The following DRC9 variants were observed in gnomAD, a reference collection of about 807,000 sequenced individuals.
The protein encoded by DRC9 is dynein regulatory complex subunit 9.
At chr3:197,903,831 C>T in the DRC9 span, among the ~76,000 whole-genome samples, 458 of 151,594 alleles carry the variant, frequency 3.0e-3, 4 homozygotes, top group African/African-American at 0.01. Context: ...CCAAAAGGGC[C>T]GAGTGTAGTC....
At chr3:197,923,499 G>A in the DRC9 span, among the ~76,000 whole-genome samples, 1 of 152,144 alleles carries the variant, frequency 6.6e-6, no homozygotes, top group East Asian at 1.9e-4. Flanking sequence ...GGGGGCCAAG[G>A]CAGACAGATC....
At chr3:197,951,637 G>A in the DRC9 span, 2 of 350,150 alleles carry the variant, frequency 5.7e-6, no homozygotes, top group Non-Finnish European at 1.1e-5. Flanking sequence ...ACAGGCTTGA[G>A]CCACCGCGCC....
At chr3:197,902,958 A>G in the DRC9 span, among the ~76,000 whole-genome samples, 1 of 152,224 alleles carries the variant, frequency 6.6e-6, no homozygotes. Context: ...CCAAAACAGC[A>G]TGGTACTGGA....
the DRC9 span, among the ~76,000 whole-genome samples, chr3:197,921,660 A>G: frequency 1.1e-4 from 17 of 151,612 alleles, no homozygotes; most frequent in South Asian, 3.6e-3. Context: ...TGGGGATTTC[A>G]CCTGGTTTCA....
At chr3:197,946,419 A>G in the DRC9 span, among the ~76,000 whole-genome samples, 93 of 137,774 alleles carry the variant, frequency 6.8e-4, 1 homozygote, top group East Asian at 0.017. Context: ...TGGGCGACAG[A>G]GCGAGACTCC....
chr3:197,920,924 A>G, the DRC9 span, among the ~76,000 whole-genome samples: 1 of 152,154 alleles, frequency 6.6e-6, no homozygotes, highest in African/African-American at 2.4e-5. Context: ...ATATACAAAA[A>G]CCTGCCATTC....
chr3:197,948,510 A>G, the DRC9 span, among the ~76,000 whole-genome samples: 3 of 152,262 alleles, frequency 2.0e-5, no homozygotes, highest in Admixed American at 1.3e-4. Context: ...TCAGTGCTCA[A>G]TAAGTATTTG....
At chr3:197,951,044 A>G in the DRC9 span, 1 of 1,605,062 alleles carries the variant, frequency 6.2e-7, no homozygotes, top group Non-Finnish European at 8.5e-7. Flanking sequence ...CGAGCTTAAA[A>G]TTGGCAAGAA....
At chr3:197,955,942 C>T in the DRC9 span, 11 of 644,488 alleles carry the variant, frequency 1.7e-5, no homozygotes, top group Admixed American at 2.4e-5. Context: ...AATTACAGGG[C>T]GAGTACAGAG....
the DRC9 span, chr3:197,958,784 T>C: frequency 2.0e-5 from 3 of 152,266 alleles, no homozygotes; most frequent in African/African-American, 7.2e-5. Flanking sequence ...TGTATGTTTT[T>C]ATGTTTTTCT....
At chr3:197,910,616 C>A in the DRC9 span, among the ~76,000 whole-genome samples, 1 of 152,150 alleles carries the variant, frequency 6.6e-6, no homozygotes, top group African/African-American at 2.4e-5. Context: ...TAGCTTTTTC[C>A]AAAGGCAAGC....
chr3:197,945,831 G>C, the DRC9 span: 1 of 544,896 alleles, frequency 1.8e-6, no homozygotes, highest in Non-Finnish European at 3.3e-6. Flanking sequence ...AGCAGTCCCA[G>C]AGGCGAAAGA....
At chr3:197,928,212 T>C in the DRC9 span, among the ~76,000 whole-genome samples, 1 of 152,210 alleles carries the variant, frequency 6.6e-6, no homozygotes, top group African/African-American at 2.4e-5. Context: ...ATACACACTA[T>C]AATTTTTTCT....
the DRC9 span, among the ~76,000 whole-genome samples, chr3:197,919,684 T>C: frequency 6.6e-6 from 1 of 152,172 alleles, no homozygotes; most frequent in Admixed American, 6.5e-5. Context: ...ATGGCTGCCA[T>C]AATAACGTGA....
chr3:197,946,568 T>C, the DRC9 span, among the ~76,000 whole-genome samples: 1 of 152,110 alleles, frequency 6.6e-6, no homozygotes, highest in Non-Finnish European at 1.5e-5. Context: ...AAAACCCCTA[T>C]GGAGAAGTTT....
the DRC9 span, among the ~76,000 whole-genome samples, chr3:197,904,588 G>C: frequency 6.6e-6 from 1 of 152,068 alleles, no homozygotes; most frequent in African/African-American, 2.4e-5. Flanking sequence ...GGTGGGGCCG[G>C]GCGTGGTGGC....
chr3:197,936,277 G>T, the DRC9 span, among the ~76,000 whole-genome samples: 1 of 152,180 alleles, frequency 6.6e-6, no homozygotes, highest in Non-Finnish European at 1.5e-5. Flanking sequence ...GCATAAAGAT[G>T]AGTACAGCAA....
At chr3:197,945,813 C>A in the DRC9 span, 29 of 554,642 alleles carry the variant, frequency 5.2e-5, no homozygotes, top group Non-Finnish European at 1.3e-5. Flanking sequence ...CCTCTTTGTG[C>A]GGAGTGGAGC....
the DRC9 span, chr3:197,889,363 G>T: frequency 1.5e-5 from 9 of 582,598 alleles, no homozygotes; most frequent in East Asian, 2.9e-5. Flanking sequence ...GTATGAGGAA[G>T]CCCTAAGTCA....
Sources: gnomAD v4.1 joint callset for allele counts (sites outside exome capture counted in the v4.1 genomes callset) on GRCh38, gnomAD v4.1.1 for gene constraint, MANE v1.5 for transcripts, NCBI Gene and HGNC (gene_info 2026-07-23, HGNC 2026-07-21) for gene names.